The following CERS3 variants were observed in gnomAD, a reference collection of about 807,000 sequenced individuals.
CERS3 encodes ceramide synthase 3.
In CERS3, 33 loss-of-function variants were observed where a neutral mutation model predicts 50.3. That is an observed-to-expected ratio of 0.66 (90% CI 0.50 to 0.88). The LOEUF (loss-of-function observed/expected upper bound fraction) is 0.88. Ranked by LOEUF, CERS3 falls within the 40% of genes least tolerant of loss-of-function variation. The probability of loss-of-function intolerance (pLI) is 0.00; values close to 1 mark genes in which losing one functional copy is unlikely to be tolerated. For synonymous variants in CERS3, 176 were observed against 155.2 expected (o/e 1.13, Z -0.99); for missense variants, 470 against 460.3 (o/e 1.02, Z -0.19).
At chr15:100,492,980 C>T (rs370141847) in intron 3 of CERS3, among the ~76,000 whole-genome samples, 31 of 152,206 alleles carry the variant, frequency 2.0e-4, no homozygotes, top group African/African-American at 7.2e-4. Context: ...TTCCCCGTCC[C>T]CTTCTTTGTG....
upstream of CERS3, among the ~76,000 whole-genome samples, chr15:100,531,592 T>G (rs28570562): frequency 1.3e-5 from 2 of 152,148 alleles, no homozygotes; most frequent in Non-Finnish European, 2.9e-5. Context: ...ATTCCTAAGG[T>G]GATTCCTTTT....
At chr15:100,525,118 T>C (rs1359663814) in intron 1 of CERS3, among the ~76,000 whole-genome samples, 1 of 152,224 alleles carries the variant, frequency 6.6e-6, no homozygotes, top group Non-Finnish European at 1.5e-5. Context: ...TGTTTTCATA[T>C]TATGCACATA....
At chr15:100,433,514 G>C (rs1276648758) in intron 11 of CERS3, among the ~76,000 whole-genome samples, 1 of 152,188 alleles carries the variant, frequency 6.6e-6, no homozygotes, top group African/African-American at 2.4e-5. Context: ...TCCAAATACA[G>C]AGGCCCAGCC....
rs185834782 is a variant in CERS3, at chr15:100,517,732, G to A, written c.-2+3935C>T. Reference sequence around the variant, plus strand: ...TCCTGTTGTACAGCCTACAGCCCCCGCAAGATAAAGCACCCCTTGGAAAAG... The same window carrying A: ...TCCTGTTGTACAGCCTACAGCCCCCACAAGATAAAGCACCCCTTGGAAAAG... On this transcript the variant is annotated intron_variant, in intron 2 of 11. Coordinates refer to ENST00000679737, the MANE Select transcript of CERS3 (RefSeq NM_001378789.1). 3.7e-4 allele frequency among the ~76,000 whole-genome samples: 57 copies of A among 152,226 alleles called. 1 individual carries two copies. The highest frequency in any genetic ancestry group is 1.0e-3 in the African/African-American group (43 of 41,528).
intron 11 of CERS3, among the ~76,000 whole-genome samples, chr15:100,406,221 T>A (rs1346463638): frequency 2.6e-5 from 4 of 152,162 alleles, no homozygotes; most frequent in Non-Finnish European, 5.9e-5. Context: ...GACCCCAGGA[T>A]CACCCTCTAG....
upstream of CERS3, among the ~76,000 whole-genome samples, chr15:100,533,859 A>G (rs1176749982): frequency 6.6e-6 from 1 of 152,150 alleles, no homozygotes; most frequent in East Asian, 1.9e-4. Context: ...TGACCAGCCC[A>G]CTGGGTTCTT....
intron 2 of CERS3, among the ~76,000 whole-genome samples, chr15:100,506,258 A>G (rs2036176366): frequency 6.6e-6 from 1 of 152,246 alleles, no homozygotes; most frequent in Non-Finnish European, 1.5e-5. Context: ...AAAAATGACG[A>G]ATAATCCAGT....
chr15:100,524,617 GA>G (rs2036733404), intron 1 of CERS3, among the ~76,000 whole-genome samples: 1 of 152,170 alleles, frequency 6.6e-6, no homozygotes, highest in Non-Finnish European at 1.5e-5. Flanking sequence ...CTAATCTGCA[GA>G]ATTTGACATT....
chr15:100,473,737 G>A (rs2035040182), intron 8 of CERS3, among the ~76,000 whole-genome samples: 1 of 152,204 alleles, frequency 6.6e-6, no homozygotes, highest in Non-Finnish European at 1.5e-5. Context: ...TAAACAGTCT[G>A]ACAGTTTCTC....
chr15:100,535,378 T>C (rs935720294), intron 1 of CERS3, among the ~76,000 whole-genome samples: 2 of 152,256 alleles, frequency 1.3e-5, no homozygotes, highest in African/African-American at 4.8e-5. Flanking sequence ...GTTCATACCA[T>C]GTGCCAGGCA....
intron 11 of CERS3, among the ~76,000 whole-genome samples, chr15:100,413,134 T>C (rs951302333): frequency 2.0e-5 from 3 of 152,204 alleles, no homozygotes; most frequent in Non-Finnish European, 4.4e-5. Context: ...ATAATTTGCA[T>C]TGGGGATTAA....
At chr15:100,535,163 C>T (rs1401301266) in intron 1 of CERS3, among the ~76,000 whole-genome samples, 1 of 152,222 alleles carries the variant, frequency 6.6e-6, no homozygotes, top group Non-Finnish European at 1.5e-5. Flanking sequence ...TGAGACCTAT[C>T]TCAGATTTTG....
In CERS3 at chr15:100,480,016, A is replaced by C; in HGVS notation, c.438T>G (p.Thr146=). 1 of 1,611,658 alleles carries C rather than the reference A, an allele frequency of 6.2e-7. No homozygotes were observed. Among genetic ancestry groups the C allele is most frequent in the Non-Finnish European group, 8.5e-7 (1 of 1,178,910 alleles). ...CWRFAFYLMI[T]VAGIAFLYDK... Reference sequence around the variant, plus strand: ...CATAAAGAAACGCAATTCCAGCAACAGTGATCATTAAGTAAAATGCAAATC... The same window carrying C: ...CATAAAGAAACGCAATTCCAGCAACCGTGATCATTAAGTAAAATGCAAATC... Residue 146 remains threonine (T), a synonymous_variant, in exon 6 of 12, where the codon ACT becomes ACG. Coordinates refer to ENST00000679737, the MANE Select transcript of CERS3 (RefSeq NM_001378789.1).
At chr15:100,493,841 A>G (rs532904020) in intron 3 of CERS3, among the ~76,000 whole-genome samples, 2 of 152,228 alleles carry the variant, frequency 1.3e-5, no homozygotes, top group East Asian at 1.9e-4. Flanking sequence ...GTTCTTTGTT[A>G]TAATTTATAG....
chr15:100,490,852 T>C lies in CERS3; in HGVS notation c.253A>G (p.Asn85Asp). The change falls in exon 4 of 12, where the codon AAT becomes GAT. Residue 85 changes from asparagine to aspartate, a missense_variant. Asn to Asp is a conservative substitution (Grantham distance 23). Coordinates refer to ENST00000679737, the MANE Select transcript of CERS3 (RefSeq NM_001378789.1). ...TGCCTTGTGGAATGTTTGAAAAAAT[T>C]CTCTAAGACAGTATTTGGTGTAACC... The part of the protein sequence containing the change: ...RKVTPNTVLE[N>D]FFKHSTRQPL... 6.2e-7 allele frequency: 1 copy of C among 1,612,240 alleles called. No homozygotes were observed. The highest frequency in any genetic ancestry group is 8.5e-7 in the Non-Finnish European group (1 of 1,178,776).
chr15:100,528,387 C>G (rs1206277682), intron 1 of CERS3, among the ~76,000 whole-genome samples: 1 of 152,178 alleles, frequency 6.6e-6, no homozygotes, highest in East Asian at 1.9e-4. Flanking sequence ...TGTGCTGACC[C>G]CTTTCATTCC....
intron 10 of CERS3, among the ~76,000 whole-genome samples, chr15:100,463,605 T>TG (rs1402505946): frequency 6.6e-6 from 1 of 152,116 alleles, no homozygotes; most frequent in Non-Finnish European, 1.5e-5. Context: ...ACCAAGCACA[T>TG]GGGCAAGATA....
chr15:100,490,775 A>C, intron 4 of CERS3, 42 bp downstream of exon 4: 1 of 1,233,252 alleles, frequency 8.1e-7, no homozygotes, highest in South Asian at 1.2e-5. Flanking sequence ...AACCATTAAG[A>C]AAGAAGATTT....
chr15:100,476,679 AT>A (rs1157899982), intron 7 of CERS3, among the ~76,000 whole-genome samples: 2 of 152,198 alleles, frequency 1.3e-5, no homozygotes, highest in African/African-American at 2.4e-5. Flanking sequence ...AACTCCAAAA[AT>A]ATCTTCTGAA....
Sources: gnomAD v4.1 joint callset for allele counts (sites outside exome capture counted in the v4.1 genomes callset) on GRCh38, gnomAD v4.1.1 for gene constraint, MANE v1.5 for transcripts, NCBI Gene and HGNC (gene_info 2026-07-23, HGNC 2026-07-21) for gene names.